Variants in HDAC9 observed in about 807,000 individuals in gnomAD.
HDAC9 encodes MEF-2 interacting transcription repressor (MITR) protein.
In HDAC9, 41 loss-of-function variants were observed where a neutral mutation model predicts 139.4. The ratio of observed to expected loss-of-function variants is 0.29; its 90% CI spans 0.23 to 0.38. The LOEUF (loss-of-function observed/expected upper bound fraction) is 0.38. Ranked by LOEUF, HDAC9 falls within the 10% of genes least tolerant of loss-of-function variation. The pLI, the probability that HDAC9 is intolerant of heterozygous loss-of-function variation, is 1.00. For synonymous variants in HDAC9, 517 were observed against 476.2 expected, an observed-to-expected ratio of 1.09 and a Z score of -1.12; for missense variants, 1,147 against 1,297.0, an observed-to-expected ratio of 0.88 and a Z score of 1.78.
At chr7:18,303,723 G>C (rs1378627144) in intron 1 of HDAC9, among the ~76,000 whole-genome samples, 1 of 152,172 alleles carries the variant, frequency 6.6e-6, no homozygotes, top group African/African-American at 2.4e-5. Context: ...GTGGCCATGT[G>C]GCTGAGTTCT....
intron 1 of HDAC9, among the ~76,000 whole-genome samples, chr7:18,447,738 A>C (rs1266801617): frequency 6.6e-6 from 1 of 152,226 alleles, no homozygotes; most frequent in Non-Finnish European, 1.5e-5. Context: ...AGACTGGCAT[A>C]CATTTTGTGA....
intron 2 of HDAC9, among the ~76,000 whole-genome samples, chr7:18,499,348 T>C (rs551729838): frequency 6.6e-6 from 1 of 152,252 alleles, no homozygotes; most frequent in African/African-American, 2.4e-5. Context: ...TTTTTTATGG[T>C]TGTATGTTTT....
intron 3 of HDAC9, 44 bp from the exon 4 acceptor site, chr7:18,590,291 AG>A (rs759969822): frequency 1.9e-6 from 3 of 1,602,600 alleles, no homozygotes; most frequent in South Asian, 2.2e-5. Context: ...ATGACTATGA[AG>A]CCTAAAGAAA....
intron 1 of HDAC9, among the ~76,000 whole-genome samples, chr7:18,355,967 T>A (rs1239334242): frequency 6.6e-6 from 1 of 152,166 alleles, no homozygotes; most frequent in Admixed American, 6.6e-5. Context: ...TGCAAGCGAT[T>A]GAAATGTTCC....
At chr7:18,857,580 A>T (rs1797785156) in intron 21 of HDAC9, among the ~76,000 whole-genome samples, 1 of 151,576 alleles carries the variant, frequency 6.6e-6, no homozygotes, top group Non-Finnish European at 1.5e-5. Context: ...GGGAGAAAAA[A>T]ATCAATATCT....
chr7:18,396,126 TCCCTTG>T (rs1787027552), intron 1 of HDAC9, among the ~76,000 whole-genome samples: 1 of 119,144 alleles, frequency 8.4e-6, no homozygotes, highest in African/African-American at 3.7e-5. Context: ...TCCCTTCCCT[TCCCTTG>T]CCTTCCCTTC....
At chr7:18,908,729 C>G (rs1289494086) in intron 22 of HDAC9, among the ~76,000 whole-genome samples, 1 of 151,844 alleles carries the variant, frequency 6.6e-6, no homozygotes, top group Non-Finnish European at 1.5e-5. Flanking sequence ...AAAAAAATTT[C>G]ATTCTTTCAT....
chr7:18,154,984 A>G (rs193169457), intron 1 of HDAC9, among the ~76,000 whole-genome samples: 15 of 152,158 alleles, frequency 9.9e-5, no homozygotes, highest in African/African-American at 3.6e-4. Flanking sequence ...GTTGTCTGTT[A>G]CAAGTTCCTT....
At chr7:18,147,187 G>A (rs759652686) in intron 1 of HDAC9, among the ~76,000 whole-genome samples, 2 of 151,894 alleles carry the variant, frequency 1.3e-5, no homozygotes, top group Non-Finnish European at 2.9e-5. Context: ...GTAAATACCC[G>A]CTTGCAAATA....
intron 6 of HDAC9, among the ~76,000 whole-genome samples, chr7:18,619,861 G>A (rs1421074896): frequency 6.6e-6 from 1 of 152,172 alleles, no homozygotes; most frequent in Non-Finnish European, 1.5e-5. Flanking sequence ...GCATAGAACT[G>A]CACTTCTCCC....
At chr7:18,419,045 T>TCTTTATATGTC (rs1264653227) in intron 1 of HDAC9, among the ~76,000 whole-genome samples, 1 of 152,222 alleles carries the variant, frequency 6.6e-6, no homozygotes, top group Admixed American at 6.5e-5. Flanking sequence ...ACTTGTGTCA[T>TCTTTATATGTC]CTTTATATGT....
At chr7:18,706,527 A>C (rs1213729924) in intron 12 of HDAC9, among the ~76,000 whole-genome samples, 1 of 152,236 alleles carries the variant, frequency 6.6e-6, no homozygotes, top group African/African-American at 2.4e-5. Flanking sequence ...TATGTGCTGG[A>C]CACTGGACAG....
intron 6 of HDAC9, among the ~76,000 whole-genome samples, chr7:18,596,091 T>TA (rs1002129682): frequency 1.3e-5 from 2 of 152,068 alleles, no homozygotes; most frequent in African/African-American, 4.8e-5. Context: ...TTTCTAGAGG[T>TA]ATTTTTTCTG....
Position 18,197,856 on chromosome 7 carries a change from G to A in HDAC9, c.25+35507G>A, listed in dbSNP as rs142744736. ...AGCCTTTTAAGGAAAACTGAACCAG[G>A]AATTAGGATTTATTTGCTGTAATCT... On this transcript the variant is annotated intron_variant, in intron 2 of 12. Transcript: ENST00000417496. Among the ~76,000 whole-genome samples the A allele has an allele frequency of 1.8e-3, 274 of 152,236 alleles. 1 individual carries two copies. The highest frequency in any genetic ancestry group is 2.1e-3 in the Non-Finnish European group (145 of 68,006).
chr7:18,601,411 T>C lies in HDAC9; in HGVS notation c.664+7382T>C, dbSNP rs190221675. 1.8e-3 allele frequency among the ~76,000 whole-genome samples: 272 copies of C among 152,304 alleles called. 2 individuals carry two copies. The highest frequency in any genetic ancestry group is 3.0e-3 in the Non-Finnish European group (202 of 68,004). ...TTTTCTGCATAGACGATGTGATTTG[T>C]GGACAAAAACGTTACTTTATTTCTT... On this transcript the variant is annotated intron_variant, in intron 6 of 25. Transcript: ENST00000686413.
Position 18,277,713 on chromosome 7 carries a change from A to G in HDAC9, c.25+115364A>G, listed in dbSNP as rs1796835487. Among the ~76,000 whole-genome samples the G allele has an allele frequency of 3.3e-5, 5 of 152,128 alleles. No individual in the cohort carries two copies. The South Asian group carries it at 6.2e-4, about 19-fold the overall frequency. On this transcript the variant is annotated intron_variant, in intron 2 of 12. Coordinates refer to the HDAC9 transcript ENST00000417496. Reference sequence around the variant, plus strand: ...CTTTCGACTGTCTTGATTAATTTCCAAATATGGGAATATTTTCAGGTCCCA... The same window carrying G: ...CTTTCGACTGTCTTGATTAATTTCCGAATATGGGAATATTTTCAGGTCCCA...
chr7:18,704,599 G>A (rs1783743205), intron 12 of HDAC9, among the ~76,000 whole-genome samples: 1 of 152,198 alleles, frequency 6.6e-6, no homozygotes, highest in East Asian at 1.9e-4. Flanking sequence ...CTTACTTTTA[G>A]TACTTCAAAA....
At chr7:18,632,281 T>C (rs1387107395) in intron 7 of HDAC9, among the ~76,000 whole-genome samples, 1 of 152,078 alleles carries the variant, frequency 6.6e-6, no homozygotes, top group African/African-American at 2.4e-5. Flanking sequence ...AGTATTTTAT[T>C]ATACTAATAA....
chr7:18,532,539 T>C (rs1809382145), intron 2 of HDAC9, among the ~76,000 whole-genome samples: 1 of 152,210 alleles, frequency 6.6e-6, no homozygotes, highest in Admixed American at 6.5e-5. Flanking sequence ...AACTTCTTGT[T>C]TATGCCTCTT....
Sources: gnomAD v4.1 joint callset for allele counts (sites outside exome capture counted in the v4.1 genomes callset) on GRCh38, gnomAD v4.1.1 for gene constraint, MANE v1.5 for transcripts, NCBI Gene and HGNC (gene_info 2026-07-23, HGNC 2026-07-21) for gene names.